TP53BP2: variants seen among roughly 807,000 people sequenced by gnomAD.
TP53BP2 encodes the protein tumor protein p53 binding protein 2.
TP53BP2 carries 62 observed loss-of-function variants against 126.2 expected under a neutral mutation model. That is an observed-to-expected ratio of 0.49 (90% confidence interval 0.40 to 0.61). The LOEUF is 0.61. Among genes scored for constraint, TP53BP2 ranks in the 20% least tolerant of loss-of-function variants. The pLI, the probability that TP53BP2 is intolerant of heterozygous loss-of-function variation, is 0.00. For missense variants in TP53BP2, 1,215 were observed against 1,402.8 expected, an observed-to-expected ratio of 0.87 and a Z score of 2.14; for synonymous variants, 485 against 502.9, an observed-to-expected ratio of 0.96 and a Z score of 0.48.
chr1:223,781,406 T>C (rs751473326), intron 17 of TP53BP2, among the ~76,000 whole-genome samples: 2 of 152,224 alleles, frequency 1.3e-5, no homozygotes, highest in African/African-American at 4.8e-5. Context: ...GAAGATTAGG[T>C]GGAGTTTTTT....
At position 223,798,501 on chromosome 1, in the gene TP53BP2, C is replaced by T. The variant is rs1662415426; in HGVS notation, c.1662G>A (p.Gly554=). The change falls in exon 12 of 18, where the codon GGG becomes GGA. Residue 554 remains glycine, a synonymous_variant. Coordinates refer to ENST00000343537, the MANE Select transcript of TP53BP2 (RefSeq NM_001031685.3). ...GAGATAGCAGCACTCTCGGCTGCTG[C>T]CCTGCTGGTTTTGGTTTAGTTCCCA... is the stretch of plus-strand genomic sequence containing the variant. ...PSMGTKPKPA[G]QQPRVLLSPS... 6.2e-7 allele frequency: 1 copy of T among 1,614,080 alleles called. No homozygotes were observed. The highest frequency in any genetic ancestry group is 1.3e-5 in the African/African-American group (1 of 74,992).
chr1:223,802,448 C>T, intron 8 of TP53BP2, 104 bp from the exon 9 acceptor site: 1 of 1,173,202 alleles, frequency 8.5e-7, no homozygotes, highest in South Asian at 1.5e-5. Context: ...TGAGCAGTTT[C>T]AGAATCTAGC....
intron 1 of TP53BP2, among the ~76,000 whole-genome samples, chr1:223,824,703 A>G (rs1453431387): frequency 6.6e-6 from 1 of 152,088 alleles, no homozygotes; most frequent in Non-Finnish European, 1.5e-5. Context: ...AAGAGCTACT[A>G]TTTAGTAAAT....
chr1:223,825,919 G>C (rs545893920), intron 1 of TP53BP2: 4 of 152,376 alleles, frequency 2.6e-5, no homozygotes, highest in Admixed American at 6.5e-5. Context: ...GCAGTTTAGA[G>C]AAGTCAACCT....
chr1:223,796,598 GA>G lies in TP53BP2; in HGVS notation c.1949-9del. 1 of 1,512,894 alleles carries G rather than the reference GA, an allele frequency of 6.6e-7. No individual in the cohort carries two copies. 93.7% of individuals were successfully genotyped at this position (1,512,894 alleles called of 1,614,324 possible). ...TTACAGGCTTACCATATACTAATTG[GA>G]AAAGGAAAAAAAAAAGCCCTCATTA... On this transcript the variant is annotated splice_polypyrimidine_tract_variant and intron_variant, in intron 12 of 17. Coordinates refer to ENST00000343537, the MANE Select transcript of TP53BP2 (RefSeq NM_001031685.3). The surrounding 1 kb of genome is among the most constrained non-coding windows in gnomAD (Gnocchi z 4.2).
chr1:223,807,095 C>T (rs1662750204), intron 4 of TP53BP2, 148 bp from the exon 5 acceptor site: 1 of 562,102 alleles, frequency 1.8e-6, no homozygotes, highest in African/African-American at 1.9e-5. Flanking sequence ...ATCAAGCAGA[C>T]CATTAATTCT....
chr1:223,839,324 G>A (rs769413792), intron 1 of TP53BP2, among the ~76,000 whole-genome samples: 4 of 152,132 alleles, frequency 2.6e-5, no homozygotes, highest in South Asian at 2.1e-4. Context: ...GGGATTAGAC[G>A]GGATGACCAA....
intron 1 of TP53BP2, among the ~76,000 whole-genome samples, chr1:223,822,770 C>T (rs867353371): frequency 6.6e-6 from 1 of 151,656 alleles, no homozygotes; most frequent in Non-Finnish European, 1.5e-5. Flanking sequence ...ATTTTTCACA[C>T]CTATTAAATT....
chr1:223,804,047 G>T, intron 6 of TP53BP2, 127 bp downstream of exon 6: 2 of 933,824 alleles, frequency 2.1e-6, no homozygotes, highest in Non-Finnish European at 3.2e-6. Flanking sequence ...TACTCAGGAG[G>T]CTGAGGTGGG....
At chr1:223,840,029 TAA>T (rs972648487) in intron 1 of TP53BP2, among the ~76,000 whole-genome samples, 14 of 152,232 alleles carry the variant, frequency 9.2e-5, no homozygotes, top group African/African-American at 2.9e-4. Flanking sequence ...TCCAAATAAA[TAA>T]TTTGTTTTCG....
intron 7 of TP53BP2, 55 bp downstream of exon 7, chr1:223,803,216 A>G: frequency 6.5e-7 from 1 of 1,538,220 alleles, no homozygotes; most frequent in Non-Finnish European, 8.8e-7. Flanking sequence ...TTATATGAGC[A>G]ACTCTGTTTC....
intron 1 of TP53BP2, among the ~76,000 whole-genome samples, chr1:223,821,822 G>C (rs1015013894): frequency 5.9e-5 from 9 of 152,106 alleles, no homozygotes; most frequent in African/African-American, 2.2e-4. Context: ...GGAGGGAACA[G>C]AGCTTGTGGG....
At chr1:223,816,642 A>G (rs1663096318) in intron 2 of TP53BP2, among the ~76,000 whole-genome samples, 1 of 152,188 alleles carries the variant, frequency 6.6e-6, no homozygotes, top group South Asian at 2.1e-4. Context: ...CAGTTTAGTA[A>G]AAGTTAAAAT....
chr1:223,840,966 G>T (rs1190833696), intron 1 of TP53BP2, among the ~76,000 whole-genome samples: 1 of 152,178 alleles, frequency 6.6e-6, no homozygotes, highest in Non-Finnish European at 1.5e-5. Flanking sequence ...TGAAATGTGA[G>T]ATGCTCCTGG....
chr1:223,816,991 C>A (rs553515307), intron 2 of TP53BP2, among the ~76,000 whole-genome samples: 6 of 151,276 alleles, frequency 4.0e-5, no homozygotes, highest in African/African-American at 1.5e-4. Context: ...AAAACCCCAT[C>A]TTTACAAAAA....
At position 223,784,326 on chromosome 1, in the gene TP53BP2, A is replaced by G; in HGVS notation, c.3164-12T>C. On this transcript the variant is annotated splice_polypyrimidine_tract_variant and intron_variant, in intron 16 of 17. Coordinates refer to ENST00000343537, the MANE Select transcript of TP53BP2 (RefSeq NM_001031685.3). ...CTTCTCCTGAACTCCTAAAATCATG[A>G]CAGTAAGATAAAGCACAGAATATAC... 3 of 1,613,482 alleles carry G rather than the reference A, an allele frequency of 1.9e-6. No homozygotes were observed. The highest frequency in any genetic ancestry group is 2.5e-6 in the Non-Finnish European group (3 of 1,179,568).
intron 1 of TP53BP2, among the ~76,000 whole-genome samples, chr1:223,843,069 C>T (rs560503698): frequency 1.3e-5 from 2 of 152,282 alleles, no homozygotes; most frequent in Non-Finnish European, 2.9e-5. Flanking sequence ...TTCTAAAATA[C>T]ATCTTCCACT....
chr1:223,814,080 T>C (rs1279208849), intron 3 of TP53BP2, 160 bp downstream of exon 3: 11 of 581,144 alleles, frequency 1.9e-5, no homozygotes, highest in Admixed American at 3.1e-5. Context: ...TAAACAACTA[T>C]AGTCAAACTT....
Position 223,802,883 on chromosome 1 carries a change from A to T in TP53BP2, c.844T>A (p.Leu282Met). ...LYKELQLRNK[L>M]NQEQNAKLQQ... ...AGCTTGGCATTCTGCTCTTGATTCAATTTGTTTCTTAGCTGAATAAAAGAG... is the reference window on the plus strand; with the variant it reads ...AGCTTGGCATTCTGCTCTTGATTCATTTTGTTTCTTAGCTGAATAAAAGAG... Residue 282 changes from leucine to methionine, a missense_variant, in exon 8 of 18, where the codon TTG becomes ATG. Physicochemically the swap from Leu to Met is conservative, Grantham distance 15. Around this residue, in one of 4 missense-constraint regions of TP53BP2, gnomAD observed 814 missense variants for 853.0 expected, o/e 0.95. Coordinates refer to ENST00000343537, the MANE Select transcript of TP53BP2 (RefSeq NM_001031685.3). 6.2e-7 allele frequency: 1 copy of T among 1,614,080 alleles called. No homozygotes were observed. The highest frequency in any genetic ancestry group is 8.5e-7 in the Non-Finnish European group (1 of 1,180,022).
Sources: allele counts gnomAD v4.1 joint callset (sites outside exome capture counted in the v4.1 genomes callset), GRCh38; gene constraint gnomAD v4.1.1; regional missense constraint gnomAD v4.1.1; non-coding constraint Gnocchi (gnomAD v3.1); transcripts MANE v1.5; gene names NCBI Gene and HGNC (gene_info 2026-07-23, HGNC 2026-07-21).